The following UVRAG variants were observed in gnomAD, a reference collection of about 807,000 sequenced individuals.
The protein encoded by UVRAG is UV radiation resistance associated.
A neutral mutation model predicts 78.0 loss-of-function variants in UVRAG; 19 were observed. The observed-to-expected ratio is 0.24, with a 90% CI of 0.17 to 0.36. UVRAG has a LOEUF of 0.36. Ranked by LOEUF, UVRAG falls within the 10% of genes least tolerant of loss-of-function variation. The pLI, the probability that UVRAG is intolerant of heterozygous loss-of-function variation, is 1.00. For missense variants in UVRAG, 740 were observed against 853.8 expected (o/e 0.87, Z 1.66); for synonymous variants, 323 against 324.6 (o/e 1.00, Z 0.05).
chr11:75,877,861 G>A (rs1472181822), intron 3 of UVRAG, among the ~76,000 whole-genome samples: 2 of 145,372 alleles, frequency 1.4e-5, no homozygotes, highest in South Asian at 4.4e-4. Context: ...CCGGGCGGGG[G>A]GCTGACCCCC....
intron 13 of UVRAG, among the ~76,000 whole-genome samples, chr11:76,112,791 A>G (rs112078807): frequency 9.9e-5 from 15 of 151,636 alleles, no homozygotes; most frequent in African/African-American, 3.6e-4. Flanking sequence ...CAGTGGCACA[A>G]TCTCAGCTCA....
intron 5 of UVRAG, among the ~76,000 whole-genome samples, chr11:75,898,594 T>C (rs753695720): frequency 5.3e-5 from 8 of 152,186 alleles, no homozygotes; most frequent in Non-Finnish European, 1.0e-4. Context: ...TCTCCCTCTT[T>C]ATAGACGTGC....
intron 13 of UVRAG, among the ~76,000 whole-genome samples, chr11:76,074,433 T>C (rs1286306091): frequency 6.6e-6 from 1 of 152,238 alleles, no homozygotes; most frequent in African/African-American, 2.4e-5. Context: ...CTTGTTGCTT[T>C]TGTAAGCCAG....
At chr11:75,882,322 T>G in intron 4 of UVRAG, among the ~76,000 whole-genome samples, 1 of 152,096 alleles carries the variant, frequency 6.6e-6, no homozygotes, top group Non-Finnish European at 1.5e-5. Context: ...GATACCAGCC[T>G]GGCCAACATG....
intron 6 of UVRAG, among the ~76,000 whole-genome samples, chr11:75,947,041 C>G (rs1251428005): frequency 6.6e-6 from 1 of 152,104 alleles, no homozygotes; most frequent in Non-Finnish European, 1.5e-5. Flanking sequence ...TTCTTGCATG[C>G]GTGTGGAGAG....
At chr11:76,087,835 CT>C (rs1951617835) in intron 13 of UVRAG, among the ~76,000 whole-genome samples, 1 of 152,150 alleles carries the variant, frequency 6.6e-6, no homozygotes, top group Non-Finnish European at 1.5e-5. Context: ...CCTGATACTA[CT>C]TGGCATTTGT....
At position 76,141,003 on chromosome 11, in the gene UVRAG, AAAG is replaced by A. The variant is rs1565178042; in HGVS notation, c.1691_1693del (p.Lys564_Gly565delinsArg). 6.2e-7 allele frequency: 1 copy of A among 1,614,158 alleles called. No individual in the cohort carries two copies. The highest frequency in any genetic ancestry group is 8.5e-7 in the Non-Finnish European group (1 of 1,180,036). On this transcript the variant is annotated inframe_deletion, in exon 15 of 15. Coordinates refer to ENST00000356136, the MANE Select transcript of UVRAG (RefSeq NM_003369.4). ...GGACTTCTCCAAAGAAAACAAGAAA[AAAG>A]GAGAGGATCTAGTTGGCAGCTTAAA...
At chr11:76,089,827 A>G (rs899920175) in intron 13 of UVRAG, among the ~76,000 whole-genome samples, 3 of 152,114 alleles carry the variant, frequency 2.0e-5, no homozygotes, top group African/African-American at 7.2e-5. Context: ...TCCCTTTCAC[A>G]CATTCATATC....
chr11:75,976,632 T>A (rs1031215862), intron 7 of UVRAG, among the ~76,000 whole-genome samples: 1 of 152,234 alleles, frequency 6.6e-6, no homozygotes, highest in African/African-American at 2.4e-5. Context: ...CTATTTCTTC[T>A]AGATTTTCTA....
chr11:75,925,740 A>C (rs1371584713), intron 6 of UVRAG, among the ~76,000 whole-genome samples: 1 of 152,242 alleles, frequency 6.6e-6, no homozygotes, highest in Non-Finnish European at 1.5e-5. Context: ...TAAATACATT[A>C]ATGCTATTAA....
chr11:75,984,236 A>C (rs1364898987), intron 8 of UVRAG, among the ~76,000 whole-genome samples: 1 of 152,174 alleles, frequency 6.6e-6, no homozygotes, highest in Non-Finnish European at 1.5e-5. Context: ...CATGATCATG[A>C]GGGTGAACAA....
chr11:76,132,598 G>A (rs1372433809), intron 14 of UVRAG, among the ~76,000 whole-genome samples: 1 of 152,140 alleles, frequency 6.6e-6, no homozygotes, highest in Non-Finnish European at 1.5e-5. Context: ...CCAGCTTCAA[G>A]AACTCTCTTG....
At chr11:75,948,154 T>C (rs905510725) in intron 6 of UVRAG, among the ~76,000 whole-genome samples, 5 of 152,180 alleles carry the variant, frequency 3.3e-5, no homozygotes, top group Non-Finnish European at 7.4e-5. Context: ...GTGGTTTTTT[T>C]CTTTTGTATA....
chr11:76,009,162 GT>G (rs751843604), intron 11 of UVRAG, among the ~76,000 whole-genome samples: 13 of 152,064 alleles, frequency 8.5e-5, no homozygotes, highest in Non-Finnish European at 1.6e-4. Flanking sequence ...CTTCCTTTTG[GT>G]TTGATTTTTA....
At chr11:76,008,263 A>G (rs951299008) in intron 10 of UVRAG, among the ~76,000 whole-genome samples, 1 of 152,150 alleles carries the variant, frequency 6.6e-6, no homozygotes, top group African/African-American at 2.4e-5. Flanking sequence ...TGCTTTAAAA[A>G]TATGATTGAT....
intron 2 of UVRAG, among the ~76,000 whole-genome samples, chr11:75,854,609 G>A (rs1049689213): frequency 2.0e-5 from 3 of 152,070 alleles, no homozygotes; most frequent in Admixed American, 2.0e-4. Flanking sequence ...TAGAGATGGG[G>A]TTTCACCATG....
chr11:76,116,030 C>T lies in UVRAG; in HGVS notation c.1397+15C>T, dbSNP rs1353482284. ...ATGGTCAGGTGGTGAGTACCTTTATCTCTGATAACCAGAAACTGTAATGTG... is the reference window on the plus strand; with the variant it reads ...ATGGTCAGGTGGTGAGTACCTTTATTTCTGATAACCAGAAACTGTAATGTG... On this transcript the variant is annotated intron_variant, in intron 14 of 14. Transcript: ENST00000356136. The T allele has an allele frequency of 1.2e-6, 2 of 1,608,366 alleles. No individual in the cohort carries two copies. Among genetic ancestry groups the T allele is most frequent in the South Asian group, 1.1e-5 (1 of 90,958 alleles).
intron 6 of UVRAG, among the ~76,000 whole-genome samples, chr11:75,922,519 G>C (rs954847554): frequency 3.9e-5 from 6 of 152,014 alleles, no homozygotes; most frequent in Admixed American, 6.5e-5. Context: ...TGATTTTCTA[G>C]ACTTACTGCA....
chr11:75,853,657 T>C (rs1415196573), intron 2 of UVRAG, among the ~76,000 whole-genome samples: 1 of 151,452 alleles, frequency 6.6e-6, no homozygotes, highest in African/African-American at 2.4e-5. Flanking sequence ...CTGGCAATAA[T>C]TTTTAAGGAT....
Sources: allele counts gnomAD v4.1 joint callset (sites outside exome capture counted in the v4.1 genomes callset), GRCh38; gene constraint gnomAD v4.1.1; transcripts MANE v1.5; gene names NCBI Gene and HGNC (gene_info 2026-07-23, HGNC 2026-07-21).